Variants in KDM4C observed in about 807,000 individuals in gnomAD.
KDM4C encodes the protein lysine demethylase 4C.
A neutral mutation model predicts 129.3 loss-of-function variants in KDM4C; 81 were observed. That is an observed-to-expected ratio of 0.63 (90% confidence interval 0.52 to 0.75). The LOEUF is 0.75. KDM4C is among the 30% of genes least tolerant of loss of function. The pLI is 0.00. For missense variants in KDM4C, 1,457 were observed against 1,304.0 expected, an observed-to-expected ratio of 1.12 and a Z score of -1.81; for synonymous variants, 573 against 456.1, an observed-to-expected ratio of 1.26 and a Z score of -3.26.
At chr9:7,067,660 G>A (rs917061019) in intron 17 of KDM4C, among the ~76,000 whole-genome samples, 40 of 152,130 alleles carry the variant, frequency 2.6e-4, no homozygotes, top group African/African-American at 9.7e-4. Flanking sequence ...AAGGCCTGTT[G>A]TTTTAGTTAC....
intron 1 of KDM4C, chr9:6,748,804 C>A (rs751384433): frequency 5.1e-5 from 69 of 1,343,520 alleles, no homozygotes; most frequent in Non-Finnish European, 6.6e-5. Flanking sequence ...TCTTCTGCAT[C>A]ATCTAATACA....
intron 17 of KDM4C, among the ~76,000 whole-genome samples, chr9:7,064,979 TTAAA>T (rs1185738460): frequency 1.3e-5 from 2 of 152,218 alleles, no homozygotes; most frequent in African/African-American, 4.8e-5. Flanking sequence ...ATAAAGAGAC[TTAAA>T]TAAATTGAAA....
intron 12 of KDM4C, among the ~76,000 whole-genome samples, chr9:6,994,831 C>A (rs1176719481): frequency 2.6e-5 from 4 of 152,176 alleles, no homozygotes; most frequent in Non-Finnish European, 5.9e-5. Context: ...TCAGCTCTTT[C>A]AGTTTTGTAT....
intron 7 of KDM4C, among the ~76,000 whole-genome samples, chr9:6,889,349 T>C (rs977698781): frequency 1.3e-5 from 2 of 152,018 alleles, no homozygotes; most frequent in Non-Finnish European, 2.9e-5. Flanking sequence ...AAACTGTCTA[T>C]GCAGCAGTCA....
At chr9:6,842,469 G>T (rs375791042) in intron 4 of KDM4C, among the ~76,000 whole-genome samples, 1 of 151,438 alleles carries the variant, frequency 6.6e-6, no homozygotes, top group Non-Finnish European at 1.5e-5. Context: ...TGAGTAGCTG[G>T]GATTACAGGC....
intron 1 of KDM4C, among the ~76,000 whole-genome samples, chr9:6,772,213 G>A (rs957726444): frequency 2.6e-5 from 4 of 151,890 alleles, no homozygotes; most frequent in Non-Finnish European, 5.9e-5. Flanking sequence ...GCAGTGGCGC[G>A]ATCTCGGCTC....
chr9:7,056,882 G>T (rs868362948), intron 17 of KDM4C, among the ~76,000 whole-genome samples: 3 of 152,090 alleles, frequency 2.0e-5, no homozygotes, highest in Non-Finnish European at 4.4e-5. Context: ...TCAGAGACAG[G>T]GTCATTCCTT....
chr9:7,044,493 G>A (rs1829091850), intron 15 of KDM4C, among the ~76,000 whole-genome samples: 1 of 151,950 alleles, frequency 6.6e-6, no homozygotes, highest in Admixed American at 6.6e-5. Flanking sequence ...GAAAGTGATG[G>A]CAGTGATGAT....
intron 8 of KDM4C, among the ~76,000 whole-genome samples, chr9:6,965,985 C>T (rs1357375174): frequency 6.6e-6 from 1 of 152,104 alleles, no homozygotes; most frequent in Non-Finnish European, 1.5e-5. Context: ...ACCATGTTAA[C>T]AGAATAAAGG....
chr9:7,024,487 C>T (rs967492341), intron 15 of KDM4C, among the ~76,000 whole-genome samples: 4 of 151,624 alleles, frequency 2.6e-5, no homozygotes, highest in African/African-American at 9.7e-5. Flanking sequence ...TCCCCCGTCC[C>T]CCCACCCCAC....
intron 17 of KDM4C, among the ~76,000 whole-genome samples, chr9:7,090,350 A>G (rs1224551706): frequency 3.3e-5 from 5 of 152,198 alleles, no homozygotes; most frequent in African/African-American, 1.2e-4. Context: ...AAAATAAAAT[A>G]TTTATCTCCA....
chr9:6,972,380 A>G (rs1832150243), intron 8 of KDM4C, among the ~76,000 whole-genome samples: 1 of 152,158 alleles, frequency 6.6e-6, no homozygotes, highest in African/African-American at 2.4e-5. Context: ...ATTTTCTCCC[A>G]TAAAATCAGT....
chr9:6,761,535 G>A (rs1282388286), intron 1 of KDM4C, among the ~76,000 whole-genome samples: 3 of 151,862 alleles, frequency 2.0e-5, no homozygotes. Flanking sequence ...ACCCCGGCTG[G>A]TCTGAAACTC....
chr9:6,999,802 G>C (rs551021575), intron 12 of KDM4C, among the ~76,000 whole-genome samples: 1 of 152,104 alleles, frequency 6.6e-6, no homozygotes, highest in Non-Finnish European at 1.5e-5. Context: ...TTTCCCCTGC[G>C]TAAAAAGTTC....
chr9:6,757,990 C>T lies in KDM4C; in HGVS notation c.-231C>T, dbSNP rs574325720. 7.6e-5 allele frequency: 75 copies of T among 985,400 alleles called. No homozygotes were observed. The highest frequency in any genetic ancestry group is 9.0e-5 in the Non-Finnish European group (75 of 829,922). The allele number at this position is 985,400 out of a possible 1,614,324, so 61.0% of individuals were successfully genotyped here. ...GCGCAGGGAGAGCCGGCGGTGCGCG[C>T]GCCTTCGCCGCTGCCTCCCACCCAC... On this transcript the variant is annotated 5_prime_UTR_variant, in exon 1 of 22. Transcript: ENST00000381309.
intron 17 of KDM4C, among the ~76,000 whole-genome samples, chr9:7,062,074 T>C (rs959706232): frequency 6.6e-6 from 1 of 151,412 alleles, no homozygotes; most frequent in Non-Finnish European, 1.5e-5. Flanking sequence ...TTCACGCCAT[T>C]CTCCTACCTC....
chr9:6,846,453 G>T (rs527291367), intron 4 of KDM4C, among the ~76,000 whole-genome samples: 1 of 152,272 alleles, frequency 6.6e-6, no homozygotes, highest in South Asian at 2.1e-4. Context: ...ACCTGGTACT[G>T]TTCAGAAGAG....
rs759176692 is a variant in KDM4C at position 7,165,328 on chromosome 9, T to A, written c.2872T>A (p.Phe958Ile). The A allele has an allele frequency of 6.2e-7, 1 of 1,614,076 alleles. No individual in the cohort carries two copies. The highest frequency in any genetic ancestry group is 1.7e-5 in the Admixed American group (1 of 60,016). ...TGGCAAACTCTATGGAGCAAAATATTTTGGATCAAATATTGCCCACATGTA... is the reference window on the plus strand; with the variant it reads ...TGGCAAACTCTATGGAGCAAAATATATTGGATCAAATATTGCCCACATGTA... ...PDGKLYGAKYFGSNIAHMYQV... is the reference protein window; with the variant it reads ...PDGKLYGAKYIGSNIAHMYQV... Residue 958 changes from phenylalanine to isoleucine, a missense_variant, in exon 20 of 22, where the codon TTT (phenylalanine) becomes ATT (isoleucine). Physicochemically the swap from Phe to Ile is conservative, Grantham distance 21. Transcript: ENST00000381309.
At chr9:6,962,011 C>CGA (rs1314074651) in intron 8 of KDM4C, among the ~76,000 whole-genome samples, 1 of 152,176 alleles carries the variant, frequency 6.6e-6, no homozygotes, top group Non-Finnish European at 1.5e-5. Context: ...TGCTTGGTAA[C>CGA]ATTAACTTCG....
Sources: gnomAD v4.1 joint callset for allele counts (sites outside exome capture counted in the v4.1 genomes callset) on GRCh38, gnomAD v4.1.1 for gene constraint, MANE v1.5 for transcripts, NCBI Gene and HGNC (gene_info 2026-07-23, HGNC 2026-07-21) for gene names.